Variants in LMNTD2 observed in about 807,000 individuals in gnomAD.
LMNTD2 encodes the protein lamin tail domain-containing protein 2.
In LMNTD2, 83 loss-of-function variants were observed where a neutral mutation model predicts 70.1. That is an observed-to-expected ratio of 1.18 (90% CI 0.99 to 1.42). LMNTD2 has a LOEUF of 1.42. LMNTD2 is among the 40% of genes most tolerant of loss of function. The pLI is 0.00. For missense variants in LMNTD2, 1,153 were observed against 905.9 expected, an observed-to-expected ratio of 1.27 and a Z score of -3.50; for synonymous variants, 534 against 406.1, an observed-to-expected ratio of 1.31 and a Z score of -3.79.
rs974227447 is a variant in LMNTD2 at position 558,893 on chromosome 11, G to A, written c.121C>T (p.Pro41Ser). 6.2e-7 allele frequency: 1 copy of A among 1,611,432 alleles called. No individual in the cohort carries two copies. The highest frequency in any genetic ancestry group is 1.7e-5 in the Admixed American group (1 of 59,998). ...GAGCAGACCACCGGTGCGGGGTGGG[G>A]CGTGGTGTCTGGCAGGCACGTGGGA... Reference protein sequence around the residue: ...ETPTCLPDTTPHPAPVVCSAD... With the variant: ...ETPTCLPDTTSHPAPVVCSAD... The change falls in exon 2 of 14, where the codon CCC becomes TCC. Residue 41 changes from proline (P) to serine (S), a missense_variant. By Grantham distance (74) the Pro-to-Ser change is moderately conservative. Coordinates refer to ENST00000329451, the MANE Select transcript of LMNTD2 (RefSeq NM_173573.3).
At position 555,883 on chromosome 11, in the gene LMNTD2, C is replaced by T; in HGVS notation, c.1425G>A (p.Arg475=). Residue 475 remains arginine, a synonymous_variant, in exon 12 of 14, where the codon AGG becomes AGA. Coordinates refer to ENST00000329451, the MANE Select transcript of LMNTD2 (RefSeq NM_173573.3). ...ACAAGTCGGTGCCGTCGGCGAAGAC[C>T]CTCGGGGCCGGAGTCTCGCGGCGTG... is the stretch of plus-strand genomic sequence containing the variant. ...RIPRRETPAP[R]VFADGTDLSI... is the part of the protein sequence containing the mutation. 1 of 1,566,072 alleles carries T rather than the reference C, an allele frequency of 6.4e-7. No individual in the cohort carries two copies. Among genetic ancestry groups the T allele is most frequent in the Non-Finnish European group, 8.6e-7 (1 of 1,161,330 alleles).
rs199704670 is a variant in LMNTD2, at chr11:558,769, G to A, written c.159-3C>T. ...GGTCCAGGGACTCAAGAGCCAACCT[G>A]CAGCGGCAGCAGACCCTGCTGCTTA... is the stretch of plus-strand genomic sequence containing the variant. On this transcript the variant is annotated splice_region_variant and splice_polypyrimidine_tract_variant and intron_variant, in intron 2 of 13. Transcript: ENST00000329451. 4 of 1,604,042 alleles carry A rather than the reference G, an allele frequency of 2.5e-6. No individual in the cohort carries two copies. Among genetic ancestry groups the A allele is most frequent in the African/African-American group, 1.3e-5 (1 of 74,912 alleles).
Position 555,708 on chromosome 11 carries a change from AGATCCCGGGGAC to A in LMNTD2, c.1574+14_1574+25del. The stretch of plus-strand genomic sequence containing the variant: ...GGGTCGGGGCCTGGGGAGGGAGGCC[AGATCCCGGGGAC>A]CCGCGGTCCCCACCCTGGTCTCCGG... On this transcript the variant is annotated intron_variant, in intron 12 of 13. Coordinates refer to ENST00000329451, the MANE Select transcript of LMNTD2 (RefSeq NM_173573.3). The A allele has an allele frequency of 1.5e-6, 2 of 1,377,674 alleles. No individual in the cohort carries two copies. The highest frequency in any genetic ancestry group is 1.9e-6 in the Non-Finnish European group (2 of 1,075,338). The allele number at this position is 1,377,674 out of a possible 1,614,324, so 85.3% of individuals were successfully genotyped here.
In LMNTD2 at chr11:555,360, G is replaced by A. The variant is rs370145696; in HGVS notation, c.1718C>T (p.Ala573Val). Reference protein sequence around the residue: ...PGDPTLPSPPAEAGLGLEDCR... With the variant: ...PGDPTLPSPPVEAGLGLEDCR... ...GTCCTCCAGGCCCAGCCCGGCCTCT[G>A]CGGGAGGCGACGGCAGGGTGGGGTC... Residue 573 changes from alanine to valine, a missense_variant, in exon 13 of 14, where the codon GCA (alanine) becomes GTA (valine). Transcript: ENST00000329451. 7.0e-7 allele frequency: 1 copy of A among 1,421,914 alleles called. No individual in the cohort carries two copies. The highest frequency in any genetic ancestry group is 3.0e-5 in the Admixed American group (1 of 33,142). The allele number at this position is 1,421,914 out of a possible 1,614,324, so 88.1% of individuals were successfully genotyped here. A position where few individuals can be genotyped will look rare whatever the true frequency, so the allele number is the denominator to read the frequency against.
chr11:558,694 G>C lies in LMNTD2; in HGVS notation c.231C>G (p.Ala77=). The C allele has an allele frequency of 2.5e-6, 4 of 1,605,872 alleles. No homozygotes were observed. The highest frequency in any genetic ancestry group is 3.4e-6 in the Non-Finnish European group (4 of 1,177,274). The part of the protein sequence containing the change: ...LWRQRELEIQ[A]LRWAIQNGED... Reference sequence around the variant, plus strand: ...CGCCATTCTGGATGGCCCACCGCAAGGCCTGGATCTCCAGTTCTCGCTGTC... The same window carrying C: ...CGCCATTCTGGATGGCCCACCGCAACGCCTGGATCTCCAGTTCTCGCTGTC... Residue 77 remains alanine, a synonymous_variant, in exon 3 of 14, where the codon GCC becomes GCG. Coordinates refer to ENST00000329451, the MANE Select transcript of LMNTD2 (RefSeq NM_173573.3).
At chr11:559,010 T>C (rs1853092791) in intron 1 of LMNTD2, 31 bp from the exon 2 acceptor site, 1 of 1,592,428 alleles carries the variant, frequency 6.3e-7, no homozygotes. Context: ...TCTTCCTCGG[T>C]TTCTTCAACC....
chr11:555,646 C>T (rs1852803494), intron 12 of LMNTD2, 88 bp downstream of exon 12: 2 of 1,283,974 alleles, frequency 1.6e-6, no homozygotes, highest in Non-Finnish European at 2.0e-6. Flanking sequence ...AAGTAGGGGT[C>T]CGTCCTAGCG....
At chr11:556,678 T>C (rs1852900292) in intron 8 of LMNTD2, 90 bp from the exon 9 acceptor site, 1 of 1,407,338 alleles carries the variant, frequency 7.1e-7, no homozygotes, top group East Asian at 2.5e-5. Context: ...CTGCAACGCC[T>C]GGCGGGGCAG....
chr11:554,871 T>A lies in LMNTD2; in HGVS notation c.*109A>T. ...GCTCTCAGGTGTACAGAAATGCGGT[T>A]TACTTTGTAGGCCACGTTGGTTCAA... On this transcript the variant is annotated 3_prime_UTR_variant, in exon 14 of 14. Transcript: ENST00000329451. 1.3e-6 allele frequency: 1 copy of A among 769,814 alleles called. No homozygotes were observed. The highest frequency in any genetic ancestry group is 1.9e-6 in the Non-Finnish European group (1 of 517,456). 47.7% of individuals were successfully genotyped at this position (769,814 alleles called of 1,614,324 possible).
rs866202550 is a variant in LMNTD2, at chr11:555,708, A to G, written c.1574+26T>C. On this transcript the variant is annotated intron_variant, in intron 12 of 13. Transcript: ENST00000329451. ...GGGTCGGGGCCTGGGGAGGGAGGCCAGATCCCGGGGACCCGCGGTCCCCAC... is the reference window on the plus strand; with the variant it reads ...GGGTCGGGGCCTGGGGAGGGAGGCCGGATCCCGGGGACCCGCGGTCCCCAC... The G allele has an allele frequency of 3.6e-6, 5 of 1,377,674 alleles. No homozygotes were observed. The Middle Eastern group carries it at 8.0e-4, about 219-fold the overall frequency. 85.3% of individuals were successfully genotyped at this position (1,377,674 alleles called of 1,614,324 possible). A position where few individuals can be genotyped will look rare whatever the true frequency, so the allele number is the denominator to read the frequency against.
Position 555,784 on chromosome 11 carries a change from G to A in LMNTD2, c.1524C>T (p.Pro508=). 1 of 1,498,980 alleles carries A rather than the reference G, an allele frequency of 6.7e-7. No individual in the cohort carries two copies. The highest frequency in any genetic ancestry group is 8.8e-7 in the Non-Finnish European group (1 of 1,137,540). 92.9% of individuals were successfully genotyped at this position (1,498,980 alleles called of 1,614,324 possible). The change falls in exon 12 of 14, where the codon CCC becomes CCT. Residue 508 remains proline (P), a synonymous_variant. Coordinates refer to ENST00000329451, the MANE Select transcript of LMNTD2 (RefSeq NM_173573.3). ...DTRKPPRPPR[P]LRKGRVREPR... ...GCTCCCGCACCCGGCCTTTGCGCAG[G>A]GGTCGAGGTGGGCGCGGCGGCTTGC...
chr11:557,965 G>C lies in LMNTD2; in HGVS notation c.474C>G (p.Asn158Lys). 6.2e-7 allele frequency: 1 copy of C among 1,600,340 alleles called. No homozygotes were observed. The highest frequency in any genetic ancestry group is 8.5e-7 in the Non-Finnish European group (1 of 1,172,490). ...TLQEMEAELQ[N>K]LQKSCLLQLA... Reference sequence around the variant, plus strand: ...GCTGCAGGAGGCAGGACTTCTGCAAGTTCTGCAGCTCGGCCTCCATCTCCT... The same window carrying C: ...GCTGCAGGAGGCAGGACTTCTGCAACTTCTGCAGCTCGGCCTCCATCTCCT... The change falls in exon 5 of 14, where the codon AAC (asparagine) becomes AAG (lysine). Residue 158 changes from asparagine (N) to lysine (K), a missense_variant. Physicochemically the swap from Asn to Lys is moderately conservative, Grantham distance 94. Transcript: ENST00000329451.
chr11:555,182 G>GGGAGGAGAGC, intron 13 of LMNTD2, 71 bp from the exon 14 acceptor site: 1 of 240,088 alleles, frequency 4.2e-6, no homozygotes, highest in Non-Finnish European at 6.7e-6. Flanking sequence ...GGGAGGAGAG[G>GGGAGGAGAGC]GGAGGGGCGG....
In LMNTD2 at chr11:555,809, C is replaced by T. The variant is rs1852819618; in HGVS notation, c.1499G>A (p.Arg500His). The change falls in exon 12 of 14, where the codon CGC becomes CAC. Residue 500 changes from arginine (R) to histidine (H), a missense_variant. Coordinates refer to ENST00000329451, the MANE Select transcript of LMNTD2 (RefSeq NM_173573.3). ...GGGTCGAGGTGGGCGCGGCGGCTTGCGGGTGTCGGCGCCGGGCCCGGCCTC... is the reference window on the plus strand; with the variant it reads ...GGGTCGAGGTGGGCGCGGCGGCTTGTGGGTGTCGGCGCCGGGCCCGGCCTC... ...LPEAGPGADTRKPPRPPRPLR... is the reference protein window; with the variant it reads ...LPEAGPGADTHKPPRPPRPLR... The T allele has an allele frequency of 2.0e-6, 3 of 1,528,012 alleles. No homozygotes were observed. Among genetic ancestry groups the T allele is most frequent in the Admixed American group, 2.3e-5 (1 of 43,656 alleles). 94.7% of individuals were successfully genotyped at this position (1,528,012 alleles called of 1,614,324 possible).
intron 1 of LMNTD2, chr11:559,189 A>G: frequency 6.8e-7 from 1 of 1,473,190 alleles, no homozygotes; most frequent in South Asian, 1.4e-5. Flanking sequence ...GGGTGTCCAC[A>G]CCCGTGTGTT....
chr11:555,570 C>T (rs1302386069), intron 12 of LMNTD2, 67 bp from the exon 13 acceptor site: 19 of 1,304,762 alleles, frequency 1.5e-5, no homozygotes, highest in African/African-American at 9.4e-5. Context: ...GGCTCCGCGC[C>T]TGGGGCGGGG....
At chr11:558,371 G>C (rs1201686410) in intron 3 of LMNTD2, 123 bp from the exon 4 acceptor site, 2 of 1,190,034 alleles carry the variant, frequency 1.7e-6, no homozygotes, top group African/African-American at 3.1e-5. Context: ...AGGGCACACA[G>C]TACAGCCCCG....
intron 1 of LMNTD2, chr11:560,053 G>A: frequency 6.2e-6 from 1 of 162,118 alleles, no homozygotes; most frequent in Non-Finnish European, 1.3e-5. Flanking sequence ...TATTCCCTCT[G>A]CTCCAGGAGA....
Position 558,188 on chromosome 11 carries a change from C to A in LMNTD2, c.372G>T (p.Leu124Phe). 1 of 1,613,602 alleles carries A rather than the reference C, an allele frequency of 6.2e-7. No homozygotes were observed. Among genetic ancestry groups the A allele is most frequent in the Non-Finnish European group, 8.5e-7 (1 of 1,179,854 alleles). The stretch of plus-strand genomic sequence containing the variant: ...ACTGGGCTCGCTCCTTCTGTTCCTT[C>A]AACTCCTGGATCAGCTTCTGGACCT... ...QNQVQKLIQE[L>F]KEQKERAQWE... The change falls in exon 4 of 14, where the codon TTG (leucine) becomes TTT (phenylalanine). Residue 124 changes from leucine (L) to phenylalanine (F), a missense_variant. Leu to Phe is a conservative substitution (Grantham distance 22). Coordinates refer to ENST00000329451, the MANE Select transcript of LMNTD2 (RefSeq NM_173573.3).
Sources: allele counts gnomAD v4.1 joint callset, GRCh38; gene constraint gnomAD v4.1.1; transcripts MANE v1.5; gene names NCBI Gene and HGNC (gene_info 2026-07-23, HGNC 2026-07-21).